The following CACNA1E variants were observed in gnomAD, a reference collection of about 807,000 sequenced individuals.
CACNA1E encodes the protein calcium voltage-gated channel subunit alpha1 E.
A neutral mutation model predicts 259.2 loss-of-function variants in CACNA1E; 40 were observed. The ratio of observed to expected loss-of-function variants is 0.15; its 90% CI spans 0.12 to 0.20. CACNA1E has a LOEUF of 0.20. Among genes scored for constraint, CACNA1E ranks in the 10% least tolerant of loss-of-function variants. The probability of loss-of-function intolerance (pLI) is 1.00; values close to 1 mark genes in which losing one functional copy is unlikely to be tolerated. For synonymous variants in CACNA1E, 1,104 were observed against 1,138.5 expected, an observed-to-expected ratio of 0.97 and a Z score of 0.61; for missense variants, 1,874 against 3,040.1, an observed-to-expected ratio of 0.62 and a Z score of 9.02.
chr1:181,510,653 C>A, intron 2 of CACNA1E, 71 bp downstream of exon 2: 1 of 957,184 alleles, frequency 1.0e-6, no homozygotes, highest in Non-Finnish European at 1.7e-6. Context: ...TGCTTTATCA[C>A]TCTCCCATTC....
intron 2 of CACNA1E, among the ~76,000 whole-genome samples, chr1:181,466,227 C>A (rs965611242): frequency 5.9e-5 from 9 of 152,212 alleles, no homozygotes; most frequent in Non-Finnish European, 1.3e-4. Flanking sequence ...GACCTTATCA[C>A]TTCTCTTGAG....
Position 181,731,319 on chromosome 1 carries a change from A to G in CACNA1E, c.2297+88A>G, listed in dbSNP as rs538961050. Reference sequence around the variant, plus strand: ...TTGTCCTTGCCATAGACAAAGTGGCACTGGGTGTGCATGTCAGTGTGTGGC... The same window carrying G: ...TTGTCCTTGCCATAGACAAAGTGGCGCTGGGTGTGCATGTCAGTGTGTGGC... On this transcript the variant is annotated intron_variant, in intron 19 of 47. Coordinates refer to ENST00000367573, the MANE Select transcript of CACNA1E (RefSeq NM_001205293.3). 1.2e-5 allele frequency: 12 copies of G among 1,012,760 alleles called. 1 individual carries two copies. In the East Asian group the frequency reaches 1.7e-4, roughly 15 times the overall value. 62.7% of individuals were successfully genotyped at this position (1,012,760 alleles called of 1,614,324 possible). A position where few individuals can be genotyped will look rare whatever the true frequency, so the allele number is the denominator to read the frequency against.
At chr1:181,546,849 A>G (rs752975510) in intron 3 of CACNA1E, among the ~76,000 whole-genome samples, 28 of 152,226 alleles carry the variant, frequency 1.8e-4, no homozygotes, top group Admixed American at 4.6e-4. Flanking sequence ...GGTAAGAAGT[A>G]GTGACCCAGG....
At chr1:181,593,130 A>G (rs937406616) in intron 6 of CACNA1E, among the ~76,000 whole-genome samples, 8 of 152,250 alleles carry the variant, frequency 5.3e-5, no homozygotes, top group African/African-American at 1.7e-4. Flanking sequence ...GAGAAAAAGT[A>G]TACGAAAGTG....
chr1:181,788,396 C>T (rs1197140666), intron 43 of CACNA1E, among the ~76,000 whole-genome samples: 1 of 152,000 alleles, frequency 6.6e-6, no homozygotes, highest in African/African-American at 2.4e-5. Context: ...CAGATAGGGT[C>T]GCTCCCTCAA....
At chr1:181,614,731 T>A (rs1319173984) in intron 6 of CACNA1E, among the ~76,000 whole-genome samples, 1 of 152,238 alleles carries the variant, frequency 6.6e-6, no homozygotes, top group African/African-American at 2.4e-5. Context: ...GGATAAGTTT[T>A]GATACATTTT....
intron 2 of CACNA1E, among the ~76,000 whole-genome samples, chr1:181,423,662 A>ATTT (rs11302089): frequency 3.1e-5 from 4 of 131,060 alleles, no homozygotes; most frequent in South Asian, 5.1e-4. Context: ...CATTGGGCCA[A>ATTT]TTTTTTTTTT....
intron 38 of CACNA1E, among the ~76,000 whole-genome samples, chr1:181,781,032 G>A (rs1293062074): frequency 6.6e-6 from 1 of 152,154 alleles, no homozygotes; most frequent in Non-Finnish European, 1.5e-5. Context: ...AATAAGCTGT[G>A]TTGTATTGGG....
chr1:181,500,895 G>T lies in CACNA1E; in HGVS notation c.267-9582G>T, dbSNP rs1330791183. Among the ~76,000 whole-genome samples the T allele has an allele frequency of 3.3e-5, 5 of 152,190 alleles. No individual in the cohort carries two copies. The South Asian group carries it at 8.3e-4, about 25-fold the overall frequency. On this transcript the variant is annotated intron_variant, in intron 1 of 47. Transcript: ENST00000367573. ...TTTTCATTTTTCTTATGCTGTCTCA[G>T]TTCCATGATGCTGGTGTTGATATGA... is the stretch of plus-strand genomic sequence containing the variant.
At chr1:181,561,595 C>G (rs1649333921) in intron 3 of CACNA1E, among the ~76,000 whole-genome samples, 1 of 152,126 alleles carries the variant, frequency 6.6e-6, no homozygotes, top group Non-Finnish European at 1.5e-5. Flanking sequence ...TGAGATTCAT[C>G]CATGTTGCTG....
chr1:181,732,333 T>C lies in CACNA1E; in HGVS notation c.2298-51T>C. On this transcript the variant is annotated intron_variant, in intron 19 of 47. Transcript: ENST00000367573. The surrounding 1 kb of genome is among the most constrained non-coding windows in gnomAD (Gnocchi z 5.5). ...ACATGGCCCCTGTGGCCACCCTCCC[T>C]GCCTGCAGCTTCTGGGCTCTGACCG... 1 of 1,463,552 alleles carries C rather than the reference T, an allele frequency of 6.8e-7. No individual in the cohort carries two copies. The highest frequency in any genetic ancestry group is 2.5e-5 in the East Asian group (1 of 39,874). 90.7% of individuals were successfully genotyped at this position (1,463,552 alleles called of 1,614,324 possible). A position where few individuals can be genotyped will look rare whatever the true frequency, so the allele number is the denominator to read the frequency against.
chr1:181,437,995 T>G (rs1217030590), intron 2 of CACNA1E, among the ~76,000 whole-genome samples: 3 of 152,232 alleles, frequency 2.0e-5, no homozygotes, highest in East Asian at 3.8e-4. Context: ...TTTTGACTTA[T>G]GCCATCCTCC....
chr1:181,800,743 A>AAT lies in CACNA1E; in HGVS notation c.*1913_*1914dup, dbSNP rs1315177508. ...CTTTTCCCTCTATTTTTTAAATTGA[A>AAT]ATATAATAGCTGCATCAGCCCTGAA... On this transcript the variant is annotated 3_prime_UTR_variant, in exon 48 of 48. Coordinates refer to ENST00000367573, the MANE Select transcript of CACNA1E (RefSeq NM_001205293.3). 6.6e-6 allele frequency: 1 copy of AAT among 152,660 alleles called. No homozygotes were observed. The highest frequency in any genetic ancestry group is 1.5e-5 in the Non-Finnish European group (1 of 68,052). The allele number at this position is 152,660 out of a possible 1,614,324, so 9.5% of individuals were successfully genotyped here.
At chr1:181,425,027 G>GA (rs1452448274) in intron 2 of CACNA1E, among the ~76,000 whole-genome samples, 1 of 152,200 alleles carries the variant, frequency 6.6e-6, no homozygotes, top group Non-Finnish European at 1.5e-5. Flanking sequence ...CCTTTTTGAA[G>GA]AAAATGGGAA....
intron 1 of CACNA1E, among the ~76,000 whole-genome samples, chr1:181,335,010 GCA>G (rs1364446238): frequency 6.6e-6 from 1 of 152,136 alleles, no homozygotes; most frequent in Non-Finnish European, 1.5e-5. Context: ...CATGTGCTGG[GCA>G]CACTTCGCCT....
chr1:181,797,465 A>G (rs1233328157), intron 47 of CACNA1E, among the ~76,000 whole-genome samples: 1 of 152,234 alleles, frequency 6.6e-6, no homozygotes, highest in Non-Finnish European at 1.5e-5. Context: ...TCAGCGGAGA[A>G]AAGGCAGGGC....
chr1:181,531,453 C>T (rs1334928841), intron 3 of CACNA1E, among the ~76,000 whole-genome samples: 1 of 152,148 alleles, frequency 6.6e-6, no homozygotes, highest in Non-Finnish European at 1.5e-5. Flanking sequence ...TCCCTGTTCT[C>T]TAGGGTGACT....
chr1:181,548,502 A>G (rs7524309), intron 3 of CACNA1E, among the ~76,000 whole-genome samples: 47,935 of 152,082 alleles, frequency 0.32, 7,951 homozygotes, highest in Non-Finnish European at 0.37. Context: ...GCCTCCTCCT[A>G]TGTTTCTGGG....
intron 23 of CACNA1E, 109 bp downstream of exon 23, chr1:181,737,763 G>C: frequency 6.9e-7 from 1 of 1,455,206 alleles, no homozygotes; most frequent in Non-Finnish European, 9.3e-7. Context: ...GAATGAGCAA[G>C]GGTTGGAAAT....
Sources: allele counts gnomAD v4.1 joint callset (sites outside exome capture counted in the v4.1 genomes callset), GRCh38; gene constraint gnomAD v4.1.1; non-coding constraint Gnocchi (gnomAD v3.1); transcripts MANE v1.5; gene names NCBI Gene and HGNC (gene_info 2026-07-23, HGNC 2026-07-21).